The following TENM2 variants were observed in gnomAD, a reference collection of about 807,000 sequenced individuals.
TENM2 encodes teneurin-2.
In TENM2, 52 loss-of-function variants were observed where a neutral mutation model predicts 245.2. That is an observed-to-expected ratio of 0.21 (90% CI 0.17 to 0.27). The LOEUF is 0.27. Among genes scored for constraint, TENM2 ranks in the 10% least tolerant of loss-of-function variants. The probability of loss-of-function intolerance (pLI) is 1.00; values close to 1 mark genes in which losing one functional copy is unlikely to be tolerated. For missense variants in TENM2, 3,046 were observed against 3,666.8 expected, an observed-to-expected ratio of 0.83 and a Z score of 4.37; for synonymous variants, 1,363 against 1,438.9, an observed-to-expected ratio of 0.95 and a Z score of 1.19.
intron 9 of TENM2, among the ~76,000 whole-genome samples, chr5:168,115,396 G>A (rs1562177038): frequency 9.0e-6 from 1 of 110,836 alleles, no homozygotes; most frequent in Non-Finnish European, 1.8e-5. Context: ...AAGGAAGGAA[G>A]GAAGGAAGGA....
intron 1 of TENM2, among the ~76,000 whole-genome samples, chr5:167,300,586 C>A (rs1279516581): frequency 6.6e-6 from 1 of 151,976 alleles, no homozygotes; most frequent in African/African-American, 2.4e-5. Flanking sequence ...ATGTAACAGG[C>A]GAGTGATAAC....
intron 2 of TENM2, among the ~76,000 whole-genome samples, chr5:167,859,384 G>C (rs1256410939): frequency 2.0e-5 from 3 of 149,450 alleles, no homozygotes; most frequent in Non-Finnish European, 3.0e-5. Context: ...GAGGTGGGGG[G>C]GGTCAGCCCC....
chr5:168,115,242 AAGATCATGCC>A (rs1055438045), intron 9 of TENM2, among the ~76,000 whole-genome samples: 4 of 151,594 alleles, frequency 2.6e-5, no homozygotes, highest in Admixed American at 2.0e-4. Context: ...GCAGTGAGCC[AAGATCATGCC>A]ACTGCACTCC....
At chr5:167,649,488 C>G (rs1371026911) in intron 2 of TENM2, among the ~76,000 whole-genome samples, 2 of 152,042 alleles carry the variant, frequency 1.3e-5, no homozygotes, top group Non-Finnish European at 2.9e-5. Context: ...ACAGGGCTGA[C>G]AAAGAGATAA....
At chr5:168,115,408 G>GGAAGGAAAGGAAA (rs1458782856) in intron 9 of TENM2, among the ~76,000 whole-genome samples, 4 of 122,972 alleles carry the variant, frequency 3.3e-5, no homozygotes, top group East Asian at 2.6e-4. Context: ...AAGGAAGGAA[G>GGAAGGAAAGGAAA]GGAAAGGAAA....
At chr5:167,908,306 CCCTCGCTTCT>C (rs1776261437) in intron 3 of TENM2, among the ~76,000 whole-genome samples, 1 of 145,424 alleles carries the variant, frequency 6.9e-6, no homozygotes, top group Non-Finnish European at 1.5e-5. Flanking sequence ...CCCTCCCTTC[CCCTCGCTTCT>C]CCTCTCCCCT....
Position 168,224,962 on chromosome 5 carries a change from A to G in TENM2, c.5109-1126A>G, listed in dbSNP as rs371452919. ...CAACTAGAACAAGGCTTCTTGCTAAAGGTGATGTGGGGAGAAAACTCCACG... is the reference window on the plus strand; with the variant it reads ...CAACTAGAACAAGGCTTCTTGCTAAGGGTGATGTGGGGAGAAAACTCCACG... On this transcript the variant is annotated intron_variant, in intron 23 of 28. Coordinates refer to ENST00000518659, the Ensembl canonical transcript of TENM2. Among the ~76,000 whole-genome samples the G allele has an allele frequency of 1.4e-3, 216 of 152,318 alleles. 4 individuals carry two copies. In the South Asian group the frequency reaches 0.036, roughly 26 times the overall value.
chr5:167,729,968 T>C (rs1156372345), intron 2 of TENM2, among the ~76,000 whole-genome samples: 1 of 152,240 alleles, frequency 6.6e-6, no homozygotes, highest in Non-Finnish European at 1.5e-5. Flanking sequence ...TAAAGAGATC[T>C]ATCTCTCTGC....
At chr5:167,322,081 C>A (rs1756784842) in intron 1 of TENM2, among the ~76,000 whole-genome samples, 1 of 152,160 alleles carries the variant, frequency 6.6e-6, no homozygotes, top group South Asian at 2.1e-4. Context: ...ATCTGCCCAC[C>A]TCAGCCTCCC....
rs1437587032 is a variant in TENM2 at position 167,776,593 on chromosome 5, G to GGAAAAAAAAAAAAAAAAAAAAAAAAA, written c.503-99393_503-99392insGAAAAAAAAAAAAAAAAAAAAAAAAA. On this transcript the variant is annotated intron_variant, in intron 2 of 28. Transcript: ENST00000518659. ...TTGGGCAGCAGATGAGACCCTGTCT[G>GGAAAAAAAAAAAAAAAAAAAAAAAAA]AAAAAAAAAAAAAAAAAAAAAAAAA... is the stretch of plus-strand genomic sequence containing the variant. Among the ~76,000 whole-genome samples the GGAAAAAAAAAAAAAAAAAAAAAAAAA allele has an allele frequency of 8.3e-5, 3 of 36,018 alleles. 1 individual carries two copies. The highest frequency in any genetic ancestry group is 2.6e-4 in the African/African-American group (3 of 11,434). The allele number at this position is 36,018 out of a possible 152,430, so 23.6% of individuals were successfully genotyped here.
chr5:167,501,827 TA>T (rs1769231973), intron 2 of TENM2, among the ~76,000 whole-genome samples: 1 of 152,128 alleles, frequency 6.6e-6, no homozygotes, highest in South Asian at 2.1e-4. Context: ...TTTATTGAAG[TA>T]ATCAATTATT....
At chr5:167,138,535 A>G in the TENM2 span, among the ~76,000 whole-genome samples, 3 of 151,694 alleles carry the variant, frequency 2.0e-5, no homozygotes, top group African/African-American at 7.3e-5. Flanking sequence ...TGGCCAATGC[A>G]TTGAACTTTA....
At position 167,389,407 on chromosome 5, in the gene TENM2, T is replaced by C. The variant is rs191393240; in HGVS notation, c.502+13934T>C. ...AGAAAGTGAGAGGGAAATTAATAAT[T>C]TTACAGAGTTGGCATGTTTTACATG... On this transcript the variant is annotated intron_variant, in intron 2 of 28. Coordinates refer to ENST00000518659, the Ensembl canonical transcript of TENM2. Among the ~76,000 whole-genome samples the C allele has an allele frequency of 5.3e-3, 803 of 152,056 alleles. 9 individuals are homozygous for C. The highest frequency in any genetic ancestry group is 0.038 in the Middle Eastern group (11 of 290).
At chr5:168,256,944 G>A (rs1011476491) in intron 27 of TENM2, among the ~76,000 whole-genome samples, 1 of 152,132 alleles carries the variant, frequency 6.6e-6, no homozygotes, top group African/African-American at 2.4e-5. Context: ...TCAGAAGTGT[G>A]TTCTTAGGCA....
At chr5:167,704,161 A>C (rs1758347763) in intron 2 of TENM2, among the ~76,000 whole-genome samples, 1 of 152,082 alleles carries the variant, frequency 6.6e-6, no homozygotes, top group African/African-American at 2.4e-5. Context: ...TTTGAGTTCC[A>C]CCTTGGTATG....
intron 2 of TENM2, among the ~76,000 whole-genome samples, chr5:167,765,338 A>C (rs2150733394): frequency 6.6e-6 from 1 of 152,290 alleles, no homozygotes; most frequent in Non-Finnish European, 1.5e-5. Flanking sequence ...GCAGGGGGTT[A>C]GAGTTGTGCC....
the TENM2 span, among the ~76,000 whole-genome samples, chr5:167,034,586 C>T: frequency 2.0e-5 from 3 of 147,710 alleles, no homozygotes; most frequent in South Asian, 2.1e-4. Context: ...GCCGAGATCC[C>T]GCCACTGCAC....
chr5:167,379,811 G>C (rs1024020481), intron 2 of TENM2, among the ~76,000 whole-genome samples: 1 of 151,742 alleles, frequency 6.6e-6, no homozygotes, highest in African/African-American at 2.4e-5. Flanking sequence ...ATATTTGACT[G>C]TGCTTGATGT....
intron 2 of TENM2, among the ~76,000 whole-genome samples, chr5:167,512,279 A>C (rs1471066536): frequency 6.6e-6 from 1 of 152,196 alleles, no homozygotes; most frequent in Admixed American, 6.5e-5. Context: ...TTAGGTATAA[A>C]TTGAGTAACA....
Sources: allele counts gnomAD v4.1 joint callset (sites outside exome capture counted in the v4.1 genomes callset), GRCh38; gene constraint gnomAD v4.1.1; transcripts MANE v1.5; gene names NCBI Gene and HGNC (gene_info 2026-07-23, HGNC 2026-07-21).